SLC7A5: variants seen among roughly 807,000 people sequenced by gnomAD.
SLC7A5 encodes the protein large neutral amino acids transporter small subunit 1.
A neutral mutation model predicts 50.2 loss-of-function variants in SLC7A5; 23 were observed. That is an observed-to-expected ratio of 0.46 (90% confidence interval 0.33 to 0.65). SLC7A5 has a LOEUF of 0.65. SLC7A5 is among the 30% of genes least tolerant of loss of function. The pLI, the probability that SLC7A5 is intolerant of heterozygous loss-of-function variation, is 0.02. For synonymous variants in SLC7A5, 393 were observed against 330.6 expected (o/e 1.19, Z -2.05); for missense variants, 578 against 684.4 (o/e 0.84, Z 1.73).
intron 2 of SLC7A5, among the ~76,000 whole-genome samples, chr16:87,842,580 C>T (rs937661081): frequency 2.0e-5 from 3 of 152,228 alleles, no homozygotes; most frequent in Non-Finnish European, 2.9e-5. Context: ...TTCCCCGTGG[C>T]GTGCTGGATG....
chr16:87,849,870 A>G (rs1360218523), intron 2 of SLC7A5, among the ~76,000 whole-genome samples: 1 of 152,070 alleles, frequency 6.6e-6, no homozygotes, highest in Non-Finnish European at 1.5e-5. Flanking sequence ...CGAGCTCCTG[A>G]AGGATTGACC....
rs1027125248 is a variant in SLC7A5, at chr16:87,854,710, C to T, written c.539-2861G>A. ...AGATAAAACCCGTCCGGGGATACCC[C>T]GTGGCGTGGCTTGGCTTGATTGGCA... On this transcript the variant is annotated intron_variant, in intron 1 of 9. Transcript: ENST00000261622. 3.9e-5 allele frequency among the ~76,000 whole-genome samples: 6 copies of T among 152,260 alleles called. No individual in the cohort carries two copies. The South Asian group carries it at 6.2e-4, about 16-fold the overall frequency.
At position 87,851,856 on chromosome 16, in the gene SLC7A5, A is replaced by C; in HGVS notation, c.539-7T>G. 1.2e-6 allele frequency: 2 copies of C among 1,612,812 alleles called. No individual in the cohort carries two copies. The highest frequency in any genetic ancestry group is 1.7e-6 in the Non-Finnish European group (2 of 1,179,944). On this transcript the variant is annotated splice_region_variant and splice_polypyrimidine_tract_variant and intron_variant, in intron 1 of 9. Transcript: ENST00000261622. The stretch of plus-strand genomic sequence containing the variant: ...TTCACGGCCGTGAGCAGCACTGTGG[A>C]GACAGAGGGCAGCGGTGAGTTCCAC...
chr16:87,846,031 G>A (rs945287567), intron 2 of SLC7A5, among the ~76,000 whole-genome samples: 1 of 151,300 alleles, frequency 6.6e-6, no homozygotes, highest in Admixed American at 6.6e-5. Context: ...AGCAAGCGGC[G>A]GGTCAAGCAT....
At chr16:87,851,956 GA>G in intron 1 of SLC7A5, 107 bp from the exon 2 acceptor site, 1 of 1,381,940 alleles carries the variant, frequency 7.2e-7, no homozygotes. Context: ...AGGTCCACCA[GA>G]AAAACAAGCT....
At position 87,832,938 on chromosome 16, in the gene SLC7A5, C is replaced by T; in HGVS notation, c.*32G>A. The stretch of plus-strand genomic sequence containing the variant: ...TGATCTACTTTAACTGGCCTCTGCG[C>T]ATGCTCCTCCGGCAGCCACTCGGCC... On this transcript the variant is annotated 3_prime_UTR_variant, in exon 10 of 10. Coordinates refer to ENST00000261622, the MANE Select transcript of SLC7A5 (RefSeq NM_003486.7). The surrounding 1 kb of genome is among the most constrained non-coding windows in gnomAD (Gnocchi z 4.6). 1.3e-6 allele frequency: 2 copies of T among 1,594,378 alleles called. No individual in the cohort carries two copies. Among genetic ancestry groups the T allele is most frequent in the South Asian group, 1.1e-5 (1 of 90,670 alleles).
At chr16:87,866,763 G>C (rs59823886) in intron 1 of SLC7A5, among the ~76,000 whole-genome samples, 15,315 of 152,096 alleles carry the variant, frequency 0.1, 893 homozygotes, top group African/African-American at 0.15. Context: ...ACAGTGCCTG[G>C]CTGGTTTGAA....
chr16:87,844,551 C>T (rs1392216415), intron 2 of SLC7A5, among the ~76,000 whole-genome samples: 2 of 152,252 alleles, frequency 1.3e-5, no homozygotes, highest in African/African-American at 4.8e-5. Context: ...CTTCCCCCTC[C>T]TCTGTGATGC....
rs1483762834 is a variant in SLC7A5 at position 87,853,110 on chromosome 16, C to G, written c.539-1261G>C. Among the ~76,000 whole-genome samples the G allele has an allele frequency of 5.3e-5, 8 of 152,246 alleles. No individual in the cohort carries two copies. The highest frequency in any genetic ancestry group is 1.9e-4 in the African/African-American group (8 of 41,468). On this transcript the variant is annotated intron_variant, in intron 1 of 9. Coordinates refer to ENST00000261622, the MANE Select transcript of SLC7A5 (RefSeq NM_003486.7). This position sits in a 1 kb window ranked among gnomAD's most constrained non-coding sequence, Gnocchi z 4.4. ...CAGAAAGGCCGTGGGCTCCTCTTCT[C>G]TCTTTCCCCTTGGGAGTAACGCTCA...
rs372894326 is a variant in SLC7A5, at chr16:87,860,399, CAT to C, written c.538+8484_538+8485del. Among the ~76,000 whole-genome samples the C allele has an allele frequency of 7.0e-3, 522 of 74,464 alleles. 21 individuals are homozygous for C. The highest frequency in any genetic ancestry group is 0.02 in the African/African-American group (363 of 18,060). 48.9% of individuals were successfully genotyped at this position (74,464 alleles called of 152,430 possible). A position where few individuals can be genotyped will look rare whatever the true frequency, so the allele number is the denominator to read the frequency against. On this transcript the variant is annotated intron_variant, in intron 1 of 9. Coordinates refer to ENST00000261622, the MANE Select transcript of SLC7A5 (RefSeq NM_003486.7). The surrounding 1 kb of genome is among the most constrained non-coding windows in gnomAD (Gnocchi z 4.8). ...ACACACACACACACACACACACACA[CAT>C]ATATATATAAAGAAAAAGGAAATCT...
At chr16:87,866,434 G>A (rs1456101340) in intron 1 of SLC7A5, among the ~76,000 whole-genome samples, 2 of 152,148 alleles carry the variant, frequency 1.3e-5, no homozygotes, top group Non-Finnish European at 2.9e-5. Context: ...CCGAGTAGCT[G>A]GGACTACAGG....
intron 1 of SLC7A5, among the ~76,000 whole-genome samples, chr16:87,858,482 T>C (rs1253634010): frequency 6.6e-6 from 1 of 151,556 alleles, no homozygotes; most frequent in Non-Finnish European, 1.5e-5. Context: ...GAAAAAGGAG[T>C]GAAAACCCGC....
In SLC7A5 at chr16:87,869,177, C is replaced by T. The variant is rs530430206; in HGVS notation, c.246G>A (p.Pro82=). 5.0e-6 allele frequency: 8 copies of T among 1,612,190 alleles called. No homozygotes were observed. Among genetic ancestry groups the T allele is most frequent in the Non-Finnish European group, 5.9e-6 (7 of 1,179,768 alleles). The part of the protein sequence containing the change: ...PTGVLKEAGS[P]GLALVVWAAC... Reference sequence around the variant, plus strand: ...CGGCCCACACCACCAGCGCCAGCCCCGGCGAGCCTGCCTCCTTGAGCACGC... The same window carrying T: ...CGGCCCACACCACCAGCGCCAGCCCTGGCGAGCCTGCCTCCTTGAGCACGC... Residue 82 remains proline (P), a synonymous_variant, in exon 1 of 10, where the codon CCG becomes CCA. Coordinates refer to ENST00000261622, the MANE Select transcript of SLC7A5 (RefSeq NM_003486.7).
intron 2 of SLC7A5, among the ~76,000 whole-genome samples, chr16:87,847,247 G>A (rs931553431): frequency 1.6e-4 from 24 of 152,352 alleles, no homozygotes; most frequent in African/African-American, 5.8e-4. Context: ...AGGTGTGGGT[G>A]AAACGTTTTT....
At chr16:87,834,909 G>C (rs1400508278) in intron 8 of SLC7A5, among the ~76,000 whole-genome samples, 1 of 152,234 alleles carries the variant, frequency 6.6e-6, no homozygotes, top group East Asian at 1.9e-4. Flanking sequence ...GAAACCCTGA[G>C]CCGCCAGGAC....
intron 2 of SLC7A5, among the ~76,000 whole-genome samples, chr16:87,847,157 G>T (rs149839858): frequency 2.6e-5 from 4 of 152,330 alleles, no homozygotes; most frequent in African/African-American, 9.6e-5. Flanking sequence ...CCAGAAGAAG[G>T]AACAGCTCTA....
chr16:87,851,985 C>A, intron 1 of SLC7A5, 136 bp from the exon 2 acceptor site: 1 of 967,430 alleles, frequency 1.0e-6, no homozygotes, highest in South Asian at 1.4e-5. Context: ...CAGCTCCAGT[C>A]CCCTGCCAGC....
Position 87,869,088 on chromosome 16 carries a change from T to G in SLC7A5, c.335A>C (p.Lys112Thr), listed in dbSNP as rs758334402. The change falls in exon 1 of 10, where the codon AAA (lysine) becomes ACA (threonine). Residue 112 changes from lysine (K) to threonine (T), a missense_variant. Transcript: ENST00000261622. ...CATGTAGGCGTAGTCGCCGCCCGATTTGGAGATGGTGGTGCCGAGCTCCGC... is the reference window on the plus strand; with the variant it reads ...CATGTAGGCGTAGTCGCCGCCCGATGTGGAGATGGTGGTGCCGAGCTCCGC... ...CYAELGTTIS[K>T]SGGDYAYMLE... The G allele has an allele frequency of 1.3e-5, 21 of 1,611,718 alleles. No individual in the cohort carries two copies. The African/African-American group carries it at 2.5e-4, about 19-fold the overall frequency.
intron 2 of SLC7A5, among the ~76,000 whole-genome samples, chr16:87,850,254 C>T (rs2055203428): frequency 6.6e-6 from 1 of 152,214 alleles, no homozygotes; most frequent in Non-Finnish European, 1.5e-5. Flanking sequence ...GCACGGTGCA[C>T]ACAGGAGAGC....
Sources: gnomAD v4.1 joint callset for allele counts (sites outside exome capture counted in the v4.1 genomes callset) on GRCh38, gnomAD v4.1.1 for gene constraint, Gnocchi (gnomAD v3.1) non-coding constraint, MANE v1.5 for transcripts, NCBI Gene and HGNC (gene_info 2026-07-23, HGNC 2026-07-21) for gene names.